ANKRD26: variants seen among roughly 807,000 people sequenced by gnomAD.
ANKRD26 encodes ankyrin repeat domain-containing protein 26.
Under a neutral mutation model 208.7 loss-of-function variants are expected in ANKRD26, and 141 were observed. The observed-to-expected ratio is 0.68, with a 90% CI of 0.59 to 0.78. ANKRD26 has a LOEUF of 0.78. Among genes scored for constraint, ANKRD26 ranks in the 30% least tolerant of loss-of-function variants. ANKRD26 has a pLI of 0.00. For synonymous variants in ANKRD26, 636 were observed against 660.4 expected (o/e 0.96, Z 0.57); for missense variants, 1,889 against 1,938.7 (o/e 0.97, Z 0.48).
At chr10:26,969,134 C>T (rs994780460), downstream of ANKRD26, among the ~76,000 whole-genome samples, 2 of 151,960 alleles carry the variant, frequency 1.3e-5, no homozygotes, top group Admixed American at 6.6e-5. Flanking sequence ...TGAGTCATTG[C>T]GGTCTACACT....
intron 5 of ANKRD26, 59 bp downstream of exon 5, chr10:27,086,480 C>G: frequency 1.3e-6 from 2 of 1,586,356 alleles, no homozygotes; most frequent in Non-Finnish European, 1.7e-6. Context: ...CACTTCCTTA[C>G]TTTTACTTTT....
At chr10:27,019,957 AG>A (rs1176072345) in intron 29 of ANKRD26, among the ~76,000 whole-genome samples, 1 of 152,214 alleles carries the variant, frequency 6.6e-6, no homozygotes, top group Non-Finnish European at 1.5e-5. Context: ...TCAAAGCCTG[AG>A]GGACTGGAAC....
At chr10:27,078,384 G>T (rs1241374409) in intron 7 of ANKRD26, among the ~76,000 whole-genome samples, 3 of 152,036 alleles carry the variant, frequency 2.0e-5, no homozygotes, top group Admixed American at 2.0e-4. Flanking sequence ...CTGAAGAAAT[G>T]TATTCTGCAA....
At chr10:26,975,198 G>A (rs758893069) in exon 6 of ANKRD26, among the ~76,000 whole-genome samples, 4 of 152,064 alleles carry the variant, frequency 2.6e-5, no homozygotes, top group Non-Finnish European at 4.4e-5. Context: ...ATGAGTTTCT[G>A]AGAATTGAAT....
In ANKRD26 at chr10:27,082,831, C is replaced by G; in HGVS notation, c.712G>C (p.Asp238His). The change falls in exon 6 of 34, where the codon GAT becomes CAT. Residue 238 changes from aspartate to histidine, a missense_variant and splice_region_variant. Transcript: ENST00000376087. ...CTTAAGGAGTCTTCAGAGCTTTCAT[C>G]CACTATTAAAGAGAAAAGTAAAACA... Reference protein sequence around the residue: ...KHSSQNSNSVDESSEDSLSRL... With the variant: ...KHSSQNSNSVHESSEDSLSRL... The G allele has an allele frequency of 6.3e-7, 1 of 1,589,788 alleles. No homozygotes were observed. Among genetic ancestry groups the G allele is most frequent in the Non-Finnish European group, 8.6e-7 (1 of 1,166,910 alleles).
intron 27 of ANKRD26, among the ~76,000 whole-genome samples, chr10:27,027,122 G>GA (rs1328479000): frequency 6.6e-6 from 1 of 152,082 alleles, no homozygotes. Context: ...AGATAAATGG[G>GA]AAAAAAAGTT....
At chr10:26,973,649 C>CTTTTTTTTTTTTTTTTTT (rs71386903), downstream of ANKRD26, among the ~76,000 whole-genome samples, 3 of 88,428 alleles carry the variant, frequency 3.4e-5, no homozygotes, top group Non-Finnish European at 5.9e-5. Flanking sequence ...TTTATTTGTC[C>CTTTTTTTTTTTTTTTTTT]TTTTTTTTTT....
intron 25 of ANKRD26, among the ~76,000 whole-genome samples, chr10:27,031,048 T>C (rs2135138279): frequency 6.6e-6 from 1 of 152,216 alleles, no homozygotes; most frequent in Admixed American, 6.5e-5. Context: ...GTCAATGAGA[T>C]CCAGAACAGT....
chr10:27,089,255 C>T (rs2056218437), intron 4 of ANKRD26, among the ~76,000 whole-genome samples: 1 of 152,158 alleles, frequency 6.6e-6, no homozygotes, highest in African/African-American at 2.4e-5. Context: ...GGACTGTCTT[C>T]CTTGGACTTA....
chr10:26,975,230 T>G (rs1017467798), exon 6 of ANKRD26, among the ~76,000 whole-genome samples: 2 of 151,972 alleles, frequency 1.3e-5, no homozygotes, highest in African/African-American at 2.4e-5. Context: ...CACAGTTTCT[T>G]TTTTTATTAC....
intron 5 of ANKRD26, among the ~76,000 whole-genome samples, chr10:26,993,074 G>A (rs576459367): frequency 2.0e-4 from 31 of 152,206 alleles, no homozygotes; most frequent in Middle Eastern, 3.4e-3. Flanking sequence ...CATATAACAC[G>A]TTCAATAGCT....
At chr10:26,948,222 A>T in the ANKRD26 span, among the ~76,000 whole-genome samples, 2 of 152,360 alleles carry the variant, frequency 1.3e-5, no homozygotes, top group South Asian at 4.1e-4. Flanking sequence ...ATTTTTAAAC[A>T]TTTAAAATTG....
intron 27 of ANKRD26, among the ~76,000 whole-genome samples, chr10:27,028,281 T>C (rs1478223143): frequency 6.6e-6 from 1 of 152,122 alleles, no homozygotes; most frequent in African/African-American, 2.4e-5. Flanking sequence ...CTCTGTTTCA[T>C]GCATAAAATT....
chr10:26,972,117 C>T (rs987458839), downstream of ANKRD26, among the ~76,000 whole-genome samples: 100 of 151,972 alleles, frequency 6.6e-4, no homozygotes, highest in African/African-American at 2.2e-3. Flanking sequence ...CGCCTGTAGT[C>T]CCAGCTACTC....
intron 25 of ANKRD26, chr10:27,030,618 G>A (rs2053834571): frequency 1.0e-6 from 1 of 982,158 alleles, no homozygotes. Context: ...ATAAAGAAAT[G>A]GAAATGTAGA....
intron 6 of ANKRD26, among the ~76,000 whole-genome samples, chr10:27,081,170 C>T (rs1021567119): frequency 6.6e-6 from 1 of 152,210 alleles, no homozygotes; most frequent in Non-Finnish European, 1.5e-5. Context: ...AAGCAACAAC[C>T]TGTTCAGGAC....
At chr10:27,070,324 CA>C (rs2055435278) in intron 9 of ANKRD26, among the ~76,000 whole-genome samples, 1 of 152,048 alleles carries the variant, frequency 6.6e-6, no homozygotes, top group Admixed American at 6.6e-5. Context: ...TGCTTGAACC[CA>C]GGAAGCAGAG....
Position 27,040,149 on chromosome 10 carries a change from C to T in ANKRD26, c.2191G>A (p.Ala731Thr). Residue 731 changes from alanine (A) to threonine (T), a missense_variant, in exon 21 of 34, where the codon GCA becomes ACA. This residue lies in a region of ANKRD26 where 1,272 missense variants were observed against 1,273.8 expected (regional missense o/e 1.00). Transcript: ENST00000376087. ...DSVSLLKIQDAALSCERLLEL... is the reference protein window; with the variant it reads ...DSVSLLKIQDTALSCERLLEL... ...AATAATCTTTCACATGAAAGAGCTG[C>T]ATCCTGGATTTTCAATAGGCTAACA... 6.2e-7 allele frequency: 1 copy of T among 1,612,378 alleles called. No individual in the cohort carries two copies. Among genetic ancestry groups the T allele is most frequent in the Non-Finnish European group, 8.5e-7 (1 of 1,179,202 alleles).
downstream of ANKRD26, among the ~76,000 whole-genome samples, chr10:26,988,335 G>A (rs1451238303): frequency 1.3e-5 from 2 of 152,140 alleles, no homozygotes; most frequent in Non-Finnish European, 2.9e-5. Context: ...GAGCACAGCT[G>A]AAGTTTATCT....
Sources: allele counts gnomAD v4.1 joint callset (sites outside exome capture counted in the v4.1 genomes callset), GRCh38; gene constraint gnomAD v4.1.1; regional missense constraint gnomAD v4.1.1; transcripts MANE v1.5; gene names NCBI Gene and HGNC (gene_info 2026-07-23, HGNC 2026-07-21).